Variants in PLA2G12B observed in about 807,000 individuals in gnomAD.
PLA2G12B encodes group XIIB secretory phospholipase A2-like protein.
PLA2G12B carries 19 observed loss-of-function variants against 22.3 expected under a neutral mutation model. The ratio of observed to expected loss-of-function variants is 0.85; its 90% confidence interval spans 0.60 to 1.25. PLA2G12B has a LOEUF of 1.25. PLA2G12B is among the 50% of genes most tolerant of loss of function. PLA2G12B has a pLI of 0.00. For missense variants in PLA2G12B, 191 were observed against 246.6 expected, an observed-to-expected ratio of 0.77 and a Z score of 1.51; for synonymous variants, 81 against 94.9, an observed-to-expected ratio of 0.85 and a Z score of 0.85.
chr10:72,939,003 A>G (rs1308424578), intron 3 of PLA2G12B, among the ~76,000 whole-genome samples: 1 of 152,224 alleles, frequency 6.6e-6, no homozygotes. Flanking sequence ...CCTAACCTTT[A>G]TGGTCAATTG....
intron 3 of PLA2G12B, among the ~76,000 whole-genome samples, chr10:72,936,318 G>A (rs1236664425): frequency 6.6e-6 from 1 of 152,134 alleles, no homozygotes; most frequent in African/African-American, 2.4e-5. Flanking sequence ...ACCTCAAGGT[G>A]GTATGGAAGC....
At chr10:72,947,320 A>G (rs78249876) in intron 1 of PLA2G12B, among the ~76,000 whole-genome samples, 2,417 of 152,260 alleles carry the variant, frequency 0.016, 31 homozygotes, top group Non-Finnish European at 0.027. Context: ...GGCACACTGT[A>G]GCCTCGATCT....
At chr10:72,940,563 G>A (rs916703094) in intron 3 of PLA2G12B, among the ~76,000 whole-genome samples, 1 of 151,722 alleles carries the variant, frequency 6.6e-6, no homozygotes, top group East Asian at 1.9e-4. Flanking sequence ...TCCCAGCTAC[G>A]TGGGAGGCTG....
chr10:72,951,964 T>C (rs1846538557), intron 1 of PLA2G12B, among the ~76,000 whole-genome samples: 1 of 152,234 alleles, frequency 6.6e-6, no homozygotes, highest in South Asian at 2.1e-4. Context: ...TCTGCCTGCA[T>C]AATTTAACCT....
chr10:72,937,369 A>G (rs1846295400), intron 3 of PLA2G12B, among the ~76,000 whole-genome samples: 1 of 152,224 alleles, frequency 6.6e-6, no homozygotes, highest in South Asian at 2.1e-4. Context: ...ACTAGTGTAT[A>G]TAAATACAAT....
intron 3 of PLA2G12B, among the ~76,000 whole-genome samples, chr10:72,937,602 A>G (rs956464358): frequency 2.0e-5 from 3 of 152,210 alleles, no homozygotes; most frequent in Admixed American, 1.3e-4. Flanking sequence ...AACAATCTAT[A>G]GACTAGTATC....
chr10:72,935,812 T>C (rs1846272176), intron 3 of PLA2G12B, 74 bp from the exon 4 acceptor site: 5 of 1,511,446 alleles, frequency 3.3e-6, no homozygotes, highest in South Asian at 2.5e-5. Flanking sequence ...CATGACATGA[T>C]ACCCAGAGGA....
rs541923989 is a variant in PLA2G12B at position 72,936,884 on chromosome 10, G to A, written c.467-1146C>T. Among the ~76,000 whole-genome samples the A allele has an allele frequency of 3.2e-4, 49 of 152,202 alleles. 1 individual carries two copies. The South Asian group carries it at 4.6e-3, about 14-fold the overall frequency. ...CCAAATTAAGGAATGAGAGAGAAAT[G>A]TCACTAACAATCTTATAGAAATAAA... On this transcript the variant is annotated intron_variant, in intron 3 of 3. Transcript: ENST00000373032.
intron 1 of PLA2G12B, among the ~76,000 whole-genome samples, chr10:72,952,530 G>A (rs544647555): frequency 1.3e-5 from 2 of 152,274 alleles, no homozygotes; most frequent in South Asian, 2.1e-4. Context: ...CTTAAAAGAC[G>A]AGCACGGTGC....
chr10:72,943,672 T>C (rs1301087181), intron 1 of PLA2G12B, among the ~76,000 whole-genome samples: 2 of 152,188 alleles, frequency 1.3e-5, no homozygotes, highest in Admixed American at 1.3e-4. Flanking sequence ...TGCTCACAGG[T>C]AAAGATAACC....
chr10:72,940,527 C>T (rs1395468374), intron 3 of PLA2G12B, among the ~76,000 whole-genome samples: 2 of 112,640 alleles, frequency 1.8e-5, no homozygotes, highest in South Asian at 2.6e-4. Flanking sequence ...CAAAAATCAG[C>T]TGGGCATGGC....
intron 3 of PLA2G12B, among the ~76,000 whole-genome samples, chr10:72,938,259 T>C (rs952029351): frequency 6.6e-6 from 1 of 152,182 alleles, no homozygotes; most frequent in Admixed American, 6.5e-5. Context: ...TGGTGAAAGA[T>C]GAAATGCTTT....
chr10:72,951,472 T>C (rs993177247), intron 1 of PLA2G12B, among the ~76,000 whole-genome samples: 2 of 148,718 alleles, frequency 1.3e-5, no homozygotes, highest in Admixed American at 6.7e-5. Flanking sequence ...TTTTTTTTTT[T>C]TTTGAGGTGG....
At chr10:72,952,589 A>G (rs1464359242) in intron 1 of PLA2G12B, among the ~76,000 whole-genome samples, 2 of 152,230 alleles carry the variant, frequency 1.3e-5, no homozygotes, top group Admixed American at 1.3e-4. Flanking sequence ...ACTCGTTGTT[A>G]GGTGTTGTCT....
Position 72,954,758 on chromosome 10 carries a change from C to T in PLA2G12B, c.-73G>A. On this transcript the variant is annotated 5_prime_UTR_variant, in exon 1 of 4. Transcript: ENST00000373032. ...GTCCCAGAATTCCAGGGACAAACCC[C>T]CTACCCAGATGTCAGGCAGGACTGG... The T allele has an allele frequency of 6.6e-7, 1 of 1,504,326 alleles. No individual in the cohort carries two copies. 93.2% of individuals were successfully genotyped at this position (1,504,326 alleles called of 1,614,324 possible). A position where few individuals can be genotyped will look rare whatever the true frequency, so the allele number is the denominator to read the frequency against.
intron 2 of PLA2G12B, 141 bp from the exon 3 acceptor site, chr10:72,941,475 C>A: frequency 2.7e-6 from 2 of 754,118 alleles, no homozygotes; most frequent in South Asian, 3.6e-5. Context: ...TCAGAAACAC[C>A]AATGACTCAG....
At chr10:72,939,585 C>T (rs545682801) in intron 3 of PLA2G12B, among the ~76,000 whole-genome samples, 4 of 151,546 alleles carry the variant, frequency 2.6e-5, no homozygotes, top group East Asian at 1.9e-4. Context: ...TCTAATATCC[C>T]GTGATAAAAA....
intron 2 of PLA2G12B, among the ~76,000 whole-genome samples, chr10:72,942,135 T>A (rs1476985670): frequency 1.4e-5 from 2 of 140,536 alleles, no homozygotes; most frequent in African/African-American, 5.4e-5. Context: ...AATACAAAAA[T>A]TAGCAGGGCG....
chr10:72,944,467 A>G (rs1444774423), intron 1 of PLA2G12B, among the ~76,000 whole-genome samples: 3 of 152,210 alleles, frequency 2.0e-5, no homozygotes, highest in Non-Finnish European at 4.4e-5. Context: ...AACTTAGTAA[A>G]TTCTACAAGA....
Sources: gnomAD v4.1 joint callset for allele counts (sites outside exome capture counted in the v4.1 genomes callset) on GRCh38, gnomAD v4.1.1 for gene constraint, MANE v1.5 for transcripts, NCBI Gene and HGNC (gene_info 2026-07-23, HGNC 2026-07-21) for gene names.